The following ALK variants were observed in gnomAD, a reference collection of about 807,000 sequenced individuals.
The protein encoded by ALK is ALK tyrosine kinase receptor.
A neutral mutation model predicts 163.1 loss-of-function variants in ALK; 74 were observed. The ratio of observed to expected loss-of-function variants is 0.45; its 90% CI spans 0.38 to 0.55. The LOEUF is 0.55. ALK is among the 20% of genes least tolerant of loss of function. The pLI is 0.00. For synonymous variants in ALK, 960 were observed against 843.2 expected, an observed-to-expected ratio of 1.14 and a Z score of -2.40; for missense variants, 2,063 against 2,105.3, an observed-to-expected ratio of 0.98 and a Z score of 0.39.
chr2:29,477,359 A>T (rs1486554026), intron 4 of ALK, among the ~76,000 whole-genome samples: 1 of 152,180 alleles, frequency 6.6e-6, no homozygotes, highest in African/African-American at 2.4e-5. Flanking sequence ...CACATTACAA[A>T]ATAAATGGCA....
At chr2:29,514,566 A>G (rs895803923) in intron 4 of ALK, among the ~76,000 whole-genome samples, 1 of 152,194 alleles carries the variant, frequency 6.6e-6, no homozygotes, top group Non-Finnish European at 1.5e-5. Flanking sequence ...TCCAAACTCC[A>G]GACCCTTGTG....
chr2:29,321,604 A>G (rs1667050373), intron 6 of ALK, among the ~76,000 whole-genome samples: 1 of 152,212 alleles, frequency 6.6e-6, no homozygotes, highest in East Asian at 1.9e-4. Flanking sequence ...TTGCTGAAAC[A>G]ACCAATGAAA....
chr2:29,861,074 C>A (rs191375740), intron 1 of ALK, among the ~76,000 whole-genome samples: 2 of 151,968 alleles, frequency 1.3e-5, no homozygotes, highest in Non-Finnish European at 2.9e-5. Flanking sequence ...CAGGGGGCTG[C>A]GGTGGGATGA....
chr2:29,612,923 C>T (rs914960472), intron 3 of ALK, among the ~76,000 whole-genome samples: 17 of 152,114 alleles, frequency 1.1e-4, no homozygotes, highest in Non-Finnish European at 1.9e-4. Flanking sequence ...AATTCCAGAA[C>T]AGTTTGGGAA....
chr2:29,543,643 C>T (rs778720301), intron 3 of ALK, among the ~76,000 whole-genome samples: 10 of 152,196 alleles, frequency 6.6e-5, no homozygotes, highest in Non-Finnish European at 1.3e-4. Flanking sequence ...TTCCATTCTT[C>T]TTCTTTACCT....
At chr2:29,729,232 T>G (rs1679667164) in intron 1 of ALK, among the ~76,000 whole-genome samples, 1 of 152,190 alleles carries the variant, frequency 6.6e-6, no homozygotes, top group African/African-American at 2.4e-5. Flanking sequence ...TGGCTTGCTC[T>G]CCTTGCCCTC....
At chr2:29,816,349 C>T (rs375784413) in intron 1 of ALK, among the ~76,000 whole-genome samples, 2 of 152,118 alleles carry the variant, frequency 1.3e-5, no homozygotes, top group Admixed American at 6.6e-5. Flanking sequence ...TAATCTCTGC[C>T]TCACGGGTTG....
chr2:29,689,100 C>T (rs1376142794), intron 3 of ALK, among the ~76,000 whole-genome samples: 3 of 152,206 alleles, frequency 2.0e-5, no homozygotes, highest in Admixed American at 6.5e-5. Context: ...GGAACTTGCT[C>T]TCCAGAAACA....
chr2:29,474,575 G>T (rs1436065693), intron 4 of ALK, among the ~76,000 whole-genome samples: 3 of 152,118 alleles, frequency 2.0e-5, no homozygotes, highest in African/African-American at 7.2e-5. Context: ...TTTTCCAAAC[G>T]CCAAAGTTGT....
intron 18 of ALK, among the ~76,000 whole-genome samples, chr2:29,226,169 C>T (rs1423629169): frequency 6.6e-6 from 1 of 152,006 alleles, no homozygotes; most frequent in African/African-American, 2.4e-5. Flanking sequence ...GTTATTTAGT[C>T]TGAAGAAGAG....
At chr2:29,201,718 C>T (rs1294205561) in intron 26 of ALK, among the ~76,000 whole-genome samples, 2 of 150,852 alleles carry the variant, frequency 1.3e-5, no homozygotes, top group East Asian at 2.0e-4. Context: ...ACCTAGGAGG[C>T]GGAGGTTGCA....
At position 29,920,886 on chromosome 2, in the gene ALK, A is replaced by G. The variant is rs775626971; in HGVS notation, c.-227T>C. 6.1e-5 allele frequency: 35 copies of G among 575,328 alleles called. No homozygotes were observed. Among genetic ancestry groups the G allele is most frequent in the Non-Finnish European group, 9.9e-5 (32 of 322,926 alleles). The allele number at this position is 575,328 out of a possible 1,614,324, so 35.6% of individuals were successfully genotyped here. On this transcript the variant is annotated 5_prime_UTR_variant, in exon 1 of 29. Transcript: ENST00000389048. ...GAAGCTCAGGGGCGAGTCCAGAGAC[A>G]CTCAAGCACACTGGGCTCACTGGCT... is the stretch of plus-strand genomic sequence containing the variant.
At chr2:29,623,863 T>C (rs1231461752) in intron 3 of ALK, among the ~76,000 whole-genome samples, 8 of 152,246 alleles carry the variant, frequency 5.3e-5, no homozygotes, top group Non-Finnish European at 1.2e-4. Flanking sequence ...TTTTATAATA[T>C]AGAAGTCTTT....
At chr2:29,729,390 T>G (rs890570195) in intron 1 of ALK, among the ~76,000 whole-genome samples, 1 of 152,172 alleles carries the variant, frequency 6.6e-6, no homozygotes, top group Admixed American at 6.5e-5. Context: ...AGGAGACGCC[T>G]ATTAAGCAAT....
intron 18 of ALK, among the ~76,000 whole-genome samples, chr2:29,226,222 T>C (rs1663987616): frequency 6.6e-6 from 1 of 151,970 alleles, no homozygotes; most frequent in Admixed American, 6.6e-5. Context: ...CTCACACCTG[T>C]AATCCCAGCA....
chr2:29,718,450 A>G lies in ALK; in HGVS notation c.668-753T>C, dbSNP rs140311490. 2.0e-5 allele frequency among the ~76,000 whole-genome samples: 3 copies of G among 152,332 alleles called. No individual in the cohort carries two copies. The East Asian group carries it at 5.8e-4, about 29-fold the overall frequency. ...TGCTTCCCAGAAAATCCCAAGCTCAATCACTATTTGCTAATGTTTTACGGC... is the reference window on the plus strand; with the variant it reads ...TGCTTCCCAGAAAATCCCAAGCTCAGTCACTATTTGCTAATGTTTTACGGC... On this transcript the variant is annotated intron_variant, in intron 1 of 28. Coordinates refer to ENST00000389048, the MANE Select transcript of ALK (RefSeq NM_004304.5).
At chr2:29,631,112 G>C (rs1676358570) in intron 3 of ALK, among the ~76,000 whole-genome samples, 1 of 152,186 alleles carries the variant, frequency 6.6e-6, no homozygotes, top group Admixed American at 6.5e-5. Flanking sequence ...CATGTTCATA[G>C]TTATATATGC....
chr2:29,901,799 T>C (rs1199592458), intron 1 of ALK, among the ~76,000 whole-genome samples: 1 of 152,164 alleles, frequency 6.6e-6, no homozygotes, highest in South Asian at 2.1e-4. Context: ...CTGGTGAACA[T>C]TCTCGATCAC....
At chr2:29,765,778 C>T (rs374887928) in intron 1 of ALK, among the ~76,000 whole-genome samples, 1 of 152,008 alleles carries the variant, frequency 6.6e-6, no homozygotes, top group African/African-American at 2.4e-5. Context: ...CAGTGGTGGG[C>T]TGGGAGATGT....
Sources: gnomAD v4.1 joint callset for allele counts (sites outside exome capture counted in the v4.1 genomes callset) on GRCh38, gnomAD v4.1.1 for gene constraint, MANE v1.5 for transcripts, NCBI Gene and HGNC (gene_info 2026-07-23, HGNC 2026-07-21) for gene names.